ADGRV1: variants seen among roughly 807,000 people sequenced by gnomAD.
ADGRV1 encodes the protein G-protein coupled receptor 98.
ADGRV1 carries 359 observed loss-of-function variants against 596.2 expected under a neutral mutation model. That is an observed-to-expected ratio of 0.60 (90% confidence interval 0.55 to 0.66). The LOEUF (loss-of-function observed/expected upper bound fraction) is 0.66. Among genes scored for constraint, ADGRV1 ranks in the 30% least tolerant of loss-of-function variants. The pLI is 0.00. For missense variants in ADGRV1, 7,274 were observed against 7,575.6 expected, an observed-to-expected ratio of 0.96 and a Z score of 1.48; for synonymous variants, 2,681 against 2,679.2, an observed-to-expected ratio of 1.00 and a Z score of -0.02.
intron 89 of ADGRV1, among the ~76,000 whole-genome samples, chr5:91,162,268 G>A (rs781058389): frequency 6.6e-6 from 1 of 152,132 alleles, no homozygotes; most frequent in Non-Finnish European, 1.5e-5. Flanking sequence ...AGATAGGAAG[G>A]ACATAATCCA....
intron 1 of ADGRV1, among the ~76,000 whole-genome samples, chr5:90,593,214 A>G (rs887336726): frequency 6.6e-6 from 1 of 152,244 alleles, no homozygotes; most frequent in African/African-American, 2.4e-5. Flanking sequence ...ATGTCCATCA[A>G]TGATAGACTG....
intron 83 of ADGRV1, among the ~76,000 whole-genome samples, chr5:90,958,489 A>G (rs915631532): frequency 2.6e-5 from 4 of 152,058 alleles, no homozygotes; most frequent in Admixed American, 1.3e-4. Context: ...TCATACTTCT[A>G]TTTGTTTGCT....
At chr5:91,136,994 C>T (rs1794690607) in intron 87 of ADGRV1, among the ~76,000 whole-genome samples, 1 of 152,090 alleles carries the variant, frequency 6.6e-6, no homozygotes, top group Non-Finnish European at 1.5e-5. Context: ...AAAAGAAATG[C>T]TCTGTTTAAA....
In ADGRV1 at chr5:90,622,887, T is replaced by C. The variant is rs6891275; in HGVS notation, c.558+186T>C. On this transcript the variant is annotated intron_variant, in intron 5 of 89. Transcript: ENST00000405460. Reference sequence around the variant, plus strand: ...TCCCGAGTAGCTAGGATTGCAGGCATGTGCCACCATGCCTGGCTAATTTTT... The same window carrying C: ...TCCCGAGTAGCTAGGATTGCAGGCACGTGCCACCATGCCTGGCTAATTTTT... Among the ~76,000 whole-genome samples, 115,693 of 152,100 alleles carry C rather than the reference T, an allele frequency of 0.76. 44,928 individuals are homozygous for C. Among genetic ancestry groups the C allele is most frequent in the African/African-American group, 0.92 (38,102 of 41,530 alleles).
At chr5:90,978,576 G>C (rs1321186759) in intron 84 of ADGRV1, among the ~76,000 whole-genome samples, 2 of 151,948 alleles carry the variant, frequency 1.3e-5, no homozygotes, top group Non-Finnish European at 1.5e-5. Flanking sequence ...TGAAAAGAGT[G>C]GAATAGAATG....
At chr5:90,932,466 C>T (rs762159637) in intron 83 of ADGRV1, among the ~76,000 whole-genome samples, 1 of 152,010 alleles carries the variant, frequency 6.6e-6, no homozygotes, top group Non-Finnish European at 1.5e-5. Context: ...TTAAAACAAA[C>T]CAACAAAAAC....
chr5:91,057,608 A>T (rs1330115103), intron 85 of ADGRV1, among the ~76,000 whole-genome samples: 1 of 152,246 alleles, frequency 6.6e-6, no homozygotes, highest in African/African-American at 2.4e-5. Context: ...TGTTGTTGAA[A>T]CTACAAGACT....
At chr5:90,773,029 A>G (rs1219208461) in intron 59 of ADGRV1, among the ~76,000 whole-genome samples, 1 of 152,074 alleles carries the variant, frequency 6.6e-6, no homozygotes, top group African/African-American at 2.4e-5. Flanking sequence ...TTAGCTGAGC[A>G]TGGTTAACGC....
chr5:90,768,282 G>A (rs769809852), intron 59 of ADGRV1, among the ~76,000 whole-genome samples: 5 of 152,066 alleles, frequency 3.3e-5, no homozygotes, highest in Non-Finnish European at 5.9e-5. Context: ...TACATTTCAT[G>A]TACAACTGTG....
chr5:90,916,782 G>A (rs1006832641), intron 83 of ADGRV1, among the ~76,000 whole-genome samples: 2 of 145,906 alleles, frequency 1.4e-5, no homozygotes, highest in East Asian at 2.0e-4. Context: ...ACAGGCGCCC[G>A]CCACTACGCC....
chr5:91,138,859 C>A (rs1794867635), intron 87 of ADGRV1, among the ~76,000 whole-genome samples: 1 of 151,824 alleles, frequency 6.6e-6, no homozygotes, highest in African/African-American at 2.4e-5. Context: ...GCAACCTCCA[C>A]CTCCTGGGTT....
chr5:90,822,486 G>T (rs986109908), intron 75 of ADGRV1, among the ~76,000 whole-genome samples: 1 of 152,088 alleles, frequency 6.6e-6, no homozygotes, highest in African/African-American at 2.4e-5. Context: ...CCATTGATCT[G>T]TATCTCTGTT....
chr5:91,007,378 A>G (rs1449912649), intron 85 of ADGRV1, among the ~76,000 whole-genome samples: 1 of 151,246 alleles, frequency 6.6e-6, no homozygotes, highest in Non-Finnish European at 1.5e-5. Flanking sequence ...GACTCATTCC[A>G]TTCTTTTCCT....
In ADGRV1 at chr5:90,673,718, T is replaced by C. The variant is rs76660485; in HGVS notation, c.4930-336T>C. On this transcript the variant is annotated intron_variant, in intron 22 of 89. Coordinates refer to ENST00000405460, the MANE Select transcript of ADGRV1 (RefSeq NM_032119.4). ...TCATGAGGGCTCTATCCTCAAGCCC[T>C]CATCACCTCCTGAAAACCCCATCTT... Among the ~76,000 whole-genome samples, 780 of 152,238 alleles carry C rather than the reference T, an allele frequency of 5.1e-3. 4 individuals are homozygous for C. Among genetic ancestry groups the C allele is most frequent in the African/African-American group, 0.018 (738 of 41,542 alleles).
At chr5:90,944,716 C>T (rs755688256) in intron 83 of ADGRV1, among the ~76,000 whole-genome samples, 344 of 152,218 alleles carry the variant, frequency 2.3e-3, no homozygotes, top group Middle Eastern at 0.01. Context: ...GATTATTTCT[C>T]ATGGAAGTTA....
In ADGRV1 at chr5:90,639,071, A is replaced by AACACACACACACACACAC. The variant is rs67813883; in HGVS notation, c.2240+1132_2240+1149dup. Reference sequence around the variant, plus strand: ...AACCAAAAAGCAAAAACCAATTTACAACACACACACACACACACACACACA... The same window carrying AACACACACACACACACAC: ...AACCAAAAAGCAAAAACCAATTTACAACACACACACACACACACACACACACACACACACACACACACA... On this transcript the variant is annotated intron_variant, in intron 11 of 89. Coordinates refer to ENST00000405460, the MANE Select transcript of ADGRV1 (RefSeq NM_032119.4). Among the ~76,000 whole-genome samples, 48 of 147,944 alleles carry AACACACACACACACACAC rather than the reference A, an allele frequency of 3.2e-4. 2 individuals carry two copies. The highest frequency in any genetic ancestry group is 7.5e-5 in the Non-Finnish European group (5 of 67,090).
In ADGRV1 at chr5:90,653,410, G is replaced by A; in HGVS notation, c.3836G>A (p.Gly1279Asp). Reference sequence around the variant, plus strand: ...ATTTTGAGGCAGCAGGGTGTGTTTGGTGATGTACAACTGGGCTGGGAAATA... The same window carrying A: ...ATTTTGAGGCAGCAGGGTGTGTTTGATGATGTACAACTGGGCTGGGAAATA... ...FTILRQQGVFGDVQLGWEILS... is the reference protein window; with the variant it reads ...FTILRQQGVFDDVQLGWEILS... The change falls in exon 20 of 90, where the codon GGT (glycine) becomes GAT (aspartate). Residue 1279 changes from glycine (G) to aspartate (D), a missense_variant. Physicochemically the swap from Gly to Asp is moderately conservative, Grantham distance 94 (BLOSUM62 -1). Coordinates refer to ENST00000405460, the MANE Select transcript of ADGRV1 (RefSeq NM_032119.4). 3 of 1,613,966 alleles carry A rather than the reference G, an allele frequency of 1.9e-6. No individual in the cohort carries two copies.
rs183952150 is a variant in ADGRV1 at position 91,072,372 on chromosome 5, T to C, written c.18153-75T>C. 6.8e-5 allele frequency: 86 copies of C among 1,266,834 alleles called. No homozygotes were observed. The African/African-American group carries it at 9.8e-4, about 14-fold the overall frequency. 78.5% of individuals were successfully genotyped at this position (1,266,834 alleles called of 1,614,324 possible). ...GATACAAAGAGCTAGTATAAAGTAG[T>C]GATGTGATACATTCTGCATTTAGAA... On this transcript the variant is annotated intron_variant, in intron 85 of 89. Coordinates refer to ENST00000405460, the MANE Select transcript of ADGRV1 (RefSeq NM_032119.4).
At chr5:90,923,570 ACAGT>A (rs1774090112) in intron 83 of ADGRV1, among the ~76,000 whole-genome samples, 1 of 152,156 alleles carries the variant, frequency 6.6e-6, no homozygotes, top group South Asian at 2.1e-4. Context: ...ACAAAACAAT[ACAGT>A]CAGTGTTGCA....
Sources: allele counts gnomAD v4.1 joint callset (sites outside exome capture counted in the v4.1 genomes callset), GRCh38; gene constraint gnomAD v4.1.1; transcripts MANE v1.5; gene names NCBI Gene and HGNC (gene_info 2026-07-23, HGNC 2026-07-21).